The following ZBBX variants were observed in gnomAD, a reference collection of about 807,000 sequenced individuals.
ZBBX encodes the protein zinc finger B-box domain-containing protein 1.
In ZBBX, 101 loss-of-function variants were observed where a neutral mutation model predicts 108.5. The observed-to-expected ratio is 0.93, with a 90% CI of 0.79 to 1.10. ZBBX has a LOEUF of 1.10. ZBBX is among the 50% of genes least tolerant of loss of function. The probability of loss-of-function intolerance (pLI) is 0.00; values close to 1 mark genes in which losing one functional copy is unlikely to be tolerated. For missense variants in ZBBX, 1,009 were observed against 941.4 expected (o/e 1.07, Z -0.94); for synonymous variants, 356 against 323.4 (o/e 1.10, Z -1.08).
chr3:167,300,977 T>C (rs886406708), intron 17 of ZBBX, among the ~76,000 whole-genome samples: 5 of 150,566 alleles, frequency 3.3e-5, no homozygotes, highest in Non-Finnish European at 7.4e-5. Context: ...GTTACATAGG[T>C]AAATTTGTGT....
chr3:167,248,510 G>T, intron 20 of ZBBX: 1 of 342,144 alleles, frequency 2.9e-6, no homozygotes, highest in Non-Finnish European at 6.1e-6. Flanking sequence ...TTCTAATAGG[G>T]AAGTTAACAG....
chr3:167,347,302 A>T (rs1741642745), intron 9 of ZBBX, among the ~76,000 whole-genome samples: 1 of 152,052 alleles, frequency 6.6e-6, no homozygotes, highest in Non-Finnish European at 1.5e-5. Context: ...ATGTAAAATG[A>T]TAACTACCAT....
chr3:167,402,053 A>G (rs1284736665), intron 1 of ZBBX, among the ~76,000 whole-genome samples: 3 of 152,112 alleles, frequency 2.0e-5, no homozygotes, highest in Non-Finnish European at 4.4e-5. Context: ...CTGGGTGGAA[A>G]TGAAGCCATC....
intron 20 of ZBBX, among the ~76,000 whole-genome samples, chr3:167,266,955 T>C (rs532639275): frequency 1.1e-4 from 16 of 152,188 alleles, no homozygotes; most frequent in African/African-American, 3.4e-4. Context: ...AAACCCGGCC[T>C]CTCAGCAACC....
At chr3:167,181,005 T>A in the ZBBX span, among the ~76,000 whole-genome samples, 69 of 152,284 alleles carry the variant, frequency 4.5e-4, no homozygotes, top group African/African-American at 1.6e-3. Flanking sequence ...AATTGTTCAG[T>A]AAATAAGTCC....
chr3:167,291,706 T>C (rs940382761), intron 18 of ZBBX, among the ~76,000 whole-genome samples: 5 of 152,122 alleles, frequency 3.3e-5, no homozygotes, highest in African/African-American at 7.2e-5. Context: ...CACATAACAA[T>C]ATTAACCTTA....
the ZBBX span, among the ~76,000 whole-genome samples, chr3:167,188,416 A>C: frequency 6.6e-6 from 1 of 152,228 alleles, no homozygotes; most frequent in African/African-American, 2.4e-5. Flanking sequence ...ATTATGTACA[A>C]GGGAAACATT....
At chr3:167,264,279 CT>C (rs1725100319) in intron 20 of ZBBX, among the ~76,000 whole-genome samples, 1 of 152,122 alleles carries the variant, frequency 6.6e-6, no homozygotes, top group Non-Finnish European at 1.5e-5. Flanking sequence ...GTCTTCTCTT[CT>C]GTCTTTCCTT....
At chr3:167,209,461 C>T in the ZBBX span, among the ~76,000 whole-genome samples, 6 of 146,466 alleles carry the variant, frequency 4.1e-5, no homozygotes, top group African/African-American at 1.7e-4. Context: ...CCAGAAAATT[C>T]TTCTGGATCT....
At chr3:167,187,834 T>G in the ZBBX span, among the ~76,000 whole-genome samples, 1 of 152,214 alleles carries the variant, frequency 6.6e-6, no homozygotes, top group African/African-American at 2.4e-5. Flanking sequence ...TCAATATTTA[T>G]GAAAACTTAC....
chr3:167,185,594 A>G, the ZBBX span, among the ~76,000 whole-genome samples: 28,297 of 152,132 alleles, frequency 0.19, 3,043 homozygotes, highest in Non-Finnish European at 0.25. Flanking sequence ...TCCTATTATT[A>G]TCACAAAAAG....
intron 10 of ZBBX, among the ~76,000 whole-genome samples, chr3:167,331,182 G>A (rs1474446236): frequency 4.2e-5 from 2 of 47,838 alleles, no homozygotes; most frequent in African/African-American, 1.1e-4. Flanking sequence ...AGCCTGAGAA[G>A]GCTAATAAAG....
intron 15 of ZBBX, among the ~76,000 whole-genome samples, chr3:167,314,508 G>A (rs1429749818): frequency 1.3e-5 from 2 of 152,050 alleles, no homozygotes; most frequent in African/African-American, 4.8e-5. Flanking sequence ...AACAAGATAT[G>A]AGTTTAAAAG....
chr3:167,315,247 C>T (rs1419522246), intron 15 of ZBBX, among the ~76,000 whole-genome samples: 12 of 152,142 alleles, frequency 7.9e-5, no homozygotes, highest in Non-Finnish European at 1.2e-4. Flanking sequence ...AATTCTACAA[C>T]GCAATTACAA....
chr3:167,274,135 C>T (rs1455296792), intron 20 of ZBBX, among the ~76,000 whole-genome samples: 2 of 152,116 alleles, frequency 1.3e-5, no homozygotes, highest in Non-Finnish European at 2.9e-5. Flanking sequence ...ACAATACTGC[C>T]CCCGACAGAA....
intron 16 of ZBBX, among the ~76,000 whole-genome samples, chr3:167,309,416 C>T (rs1344271693): frequency 1.3e-5 from 2 of 152,224 alleles, no homozygotes; most frequent in Non-Finnish European, 2.9e-5. Context: ...AGTAGAGGTT[C>T]TCCATGAGTG....
chr3:167,380,421 G>C (rs1436745411), upstream of ZBBX: 1 of 151,944 alleles, frequency 6.6e-6, no homozygotes, highest in Admixed American at 6.5e-5. Flanking sequence ...AAATGAGAGA[G>C]AATGGTGATC....
Position 167,347,526 on chromosome 3 carries a change from A to T in ZBBX, c.528+2894T>A, listed in dbSNP as rs542035549. Among the ~76,000 whole-genome samples, 50 of 152,100 alleles carry T rather than the reference A, an allele frequency of 3.3e-4. No individual in the cohort carries two copies. In the South Asian group the frequency reaches 6.8e-3, roughly 21 times the overall value. On this transcript the variant is annotated intron_variant, in intron 9 of 21. Coordinates refer to ENST00000675490, the MANE Select transcript of ZBBX (RefSeq NM_001199201.2). ...GAAACCACATACATGCAGAATCCAA[A>T]TTTTTTTTAAAAACTTTTCATTTAA... is the stretch of plus-strand genomic sequence containing the variant.
At chr3:167,180,256 G>A in the ZBBX span, among the ~76,000 whole-genome samples, 48 of 152,320 alleles carry the variant, frequency 3.2e-4, 1 homozygote, top group African/African-American at 1.1e-3. Flanking sequence ...CTGAGGGCTA[G>A]TGAGACTAGG....
Sources: allele counts gnomAD v4.1 joint callset (sites outside exome capture counted in the v4.1 genomes callset), GRCh38; gene constraint gnomAD v4.1.1; transcripts MANE v1.5; gene names NCBI Gene and HGNC (gene_info 2026-07-23, HGNC 2026-07-21).